Variants in TPST1 observed in about 807,000 individuals in gnomAD.
TPST1 encodes protein-tyrosine sulfotransferase 1.
A neutral mutation model predicts 34.8 loss-of-function variants in TPST1; 20 were observed. That is an observed-to-expected ratio of 0.57 (90% CI 0.40 to 0.84). The LOEUF is 0.84. TPST1 is among the 40% of genes least tolerant of loss of function. TPST1 has a pLI of 0.00. For synonymous variants in TPST1, 152 were observed against 159.4 expected (o/e 0.95, Z 0.35); for missense variants, 353 against 455.5 (o/e 0.78, Z 2.05).
At position 66,205,404 on chromosome 7, in the gene TPST1, G is replaced by C. The variant is rs930072572; in HGVS notation, c.-220G>C. On this transcript the variant is annotated 5_prime_UTR_variant, in exon 1 of 6. Coordinates refer to ENST00000304842, the MANE Select transcript of TPST1 (RefSeq NM_003596.4). The surrounding 1 kb of genome is among the most constrained non-coding windows in gnomAD (Gnocchi z 5.0). ...TCTGCGGGGCCGGTCCAGGCTGGCA[G>C]CTGCCGGCGCTTGGCGGTGAGGGCG... 1.3e-5 allele frequency: 2 copies of C among 152,414 alleles called. No homozygotes were observed. The highest frequency in any genetic ancestry group is 4.8e-5 in the African/African-American group (2 of 41,476). 9.4% of individuals were successfully genotyped at this position (152,414 alleles called of 1,614,324 possible). A position where few individuals can be genotyped will look rare whatever the true frequency, so the allele number is the denominator to read the frequency against.
chr7:66,345,778 G>A (rs1297301766), intron 3 of TPST1, among the ~76,000 whole-genome samples: 5 of 152,004 alleles, frequency 3.3e-5, no homozygotes, highest in African/African-American at 1.2e-4. Flanking sequence ...ATCACATCAG[G>A]ATGAATGAGG....
intron 3 of TPST1, among the ~76,000 whole-genome samples, chr7:66,339,956 T>C (rs1360004242): frequency 6.6e-6 from 1 of 151,288 alleles, no homozygotes; most frequent in African/African-American, 2.4e-5. Flanking sequence ...CCAAAAACCA[T>C]ATGATGATTT....
At chr7:66,329,454 A>C (rs1791953159) in intron 3 of TPST1, among the ~76,000 whole-genome samples, 1 of 152,100 alleles carries the variant, frequency 6.6e-6, no homozygotes, top group Non-Finnish European at 1.5e-5. Flanking sequence ...TATTAGTTGA[A>C]AGTTGCAGAT....
intron 2 of TPST1, among the ~76,000 whole-genome samples, chr7:66,262,026 G>A (rs1036747779): frequency 1.3e-5 from 2 of 152,196 alleles, no homozygotes; most frequent in Non-Finnish European, 2.9e-5. Flanking sequence ...TGAGGTGACT[G>A]TGTGGTCTTG....
chr7:66,208,600 C>T (rs1317421830), intron 1 of TPST1, among the ~76,000 whole-genome samples: 1 of 152,044 alleles, frequency 6.6e-6, no homozygotes. Flanking sequence ...TTCCGAGTAG[C>T]TGGGATTACA....
chr7:66,326,836 T>C (rs897291012), intron 3 of TPST1, among the ~76,000 whole-genome samples: 1 of 152,162 alleles, frequency 6.6e-6, no homozygotes, highest in Admixed American at 6.5e-5. Flanking sequence ...GCTTCTAGAC[T>C]GACTAATTTT....
At chr7:66,274,312 C>T (rs1035387624) in intron 2 of TPST1, among the ~76,000 whole-genome samples, 1 of 150,280 alleles carries the variant, frequency 6.7e-6, no homozygotes, top group African/African-American at 2.4e-5. Flanking sequence ...TTGAAGTGAG[C>T]GTTGAGATCG....
intron 1 of TPST1, among the ~76,000 whole-genome samples, chr7:66,230,165 G>A (rs1789746913): frequency 1.3e-5 from 2 of 152,154 alleles, no homozygotes; most frequent in Non-Finnish European, 2.9e-5. Flanking sequence ...TCCAGCCTGG[G>A]TGACAGTGCA....
At chr7:66,278,672 T>C (rs139067121) in intron 2 of TPST1, among the ~76,000 whole-genome samples, 2,573 of 151,890 alleles carry the variant, frequency 0.017, 57 homozygotes, top group East Asian at 0.092. Flanking sequence ...TAGTCCCAGC[T>C]ACTGGGAGGC....
chr7:66,296,161 A>G (rs1008605549), intron 3 of TPST1, among the ~76,000 whole-genome samples: 2 of 151,932 alleles, frequency 1.3e-5, no homozygotes, highest in African/African-American at 2.4e-5. Context: ...GTTTGAATCC[A>G]TGTGACTAAA....
At chr7:66,230,016 G>A (rs898868605) in intron 1 of TPST1, among the ~76,000 whole-genome samples, 19 of 152,052 alleles carry the variant, frequency 1.2e-4, no homozygotes, top group African/African-American at 4.1e-4. Flanking sequence ...GTAAAACCCC[G>A]TCTCTACTAA....
chr7:66,323,373 ATGT>A (rs768417892), intron 3 of TPST1, among the ~76,000 whole-genome samples: 13,662 of 152,210 alleles, frequency 0.09, 749 homozygotes, highest in Non-Finnish European at 0.11. Context: ...GTCCTTTATC[ATGT>A]TAAAGAAGCT....
intron 3 of TPST1, among the ~76,000 whole-genome samples, chr7:66,351,300 GTATCAT>G (rs1227785224): frequency 6.6e-6 from 1 of 152,110 alleles, no homozygotes; most frequent in Non-Finnish European, 1.5e-5. Context: ...ACTGTATAGT[GTATCAT>G]TATATGCGTA....
intron 1 of TPST1, among the ~76,000 whole-genome samples, chr7:66,226,432 C>T (rs1458124465): frequency 1.3e-5 from 2 of 152,108 alleles, no homozygotes; most frequent in Non-Finnish European, 2.9e-5. Flanking sequence ...GAGCATTATA[C>T]GTAGATGATC....
At chr7:66,204,888 G>T (rs1341055792), upstream of TPST1, among the ~76,000 whole-genome samples, 1 of 152,234 alleles carries the variant, frequency 6.6e-6, no homozygotes, top group African/African-American at 2.4e-5. Context: ...GGCAAAGGTG[G>T]GCTCTGAAGC....
intron 3 of TPST1, among the ~76,000 whole-genome samples, chr7:66,298,974 G>T (rs189417698): frequency 4.8e-4 from 73 of 151,970 alleles, no homozygotes; most frequent in African/African-American, 1.7e-3. Context: ...AATACAAAAA[G>T]AATTAGCTGG....
chr7:66,319,532 T>C (rs1490935309), intron 3 of TPST1, among the ~76,000 whole-genome samples: 1 of 152,226 alleles, frequency 6.6e-6, no homozygotes, highest in African/African-American at 2.4e-5. Context: ...AAGATAGATA[T>C]CTCTAAATGT....
Position 66,354,343 on chromosome 7 carries a change from C to G in TPST1, c.1095+1788C>G, listed in dbSNP as rs1792539380. ...AAAAGCGCCCAGGTGCGGTGGTTCA[C>G]GCCTGTAATCCCAGCACTTTGGGAG... On this transcript the variant is annotated intron_variant, in intron 4 of 5. Transcript: ENST00000304842. Among the ~76,000 whole-genome samples, 3 of 152,010 alleles carry G rather than the reference C, an allele frequency of 2.0e-5. No homozygotes were observed. In the South Asian group the frequency reaches 6.2e-4, roughly 32 times the overall value.
chr7:66,248,933 G>T (rs1287979700), intron 2 of TPST1, among the ~76,000 whole-genome samples: 1 of 152,164 alleles, frequency 6.6e-6, no homozygotes, highest in Non-Finnish European at 1.5e-5. Context: ...AGTTTTGGAG[G>T]CTGGGATGTC....
Sources: gnomAD v4.1 joint callset for allele counts (sites outside exome capture counted in the v4.1 genomes callset) on GRCh38, gnomAD v4.1.1 for gene constraint, Gnocchi (gnomAD v3.1) non-coding constraint, MANE v1.5 for transcripts, NCBI Gene and HGNC (gene_info 2026-07-23, HGNC 2026-07-21) for gene names.